GPC6: variants seen among roughly 807,000 people sequenced by gnomAD.
GPC6 encodes glypican 6, also known as glypican-6.
In GPC6, 14 loss-of-function variants were observed where a neutral mutation model predicts 55.2. The observed-to-expected ratio is 0.25, with a 90% CI of 0.17 to 0.40. The LOEUF (loss-of-function observed/expected upper bound fraction) is 0.40, where lower values mean the gene tolerates loss of function less well. GPC6 is among the 10% of genes least tolerant of loss of function. The probability of loss-of-function intolerance (pLI) is 1.00; values close to 1 mark genes in which losing one functional copy is unlikely to be tolerated. For synonymous variants in GPC6, 278 were observed against 259.6 expected, an observed-to-expected ratio of 1.07 and a Z score of -0.68; for missense variants, 641 against 708.5, an observed-to-expected ratio of 0.90 and a Z score of 1.08.
At chr13:93,535,565 T>A (rs1046841140) in intron 1 of GPC6, among the ~76,000 whole-genome samples, 1 of 151,998 alleles carries the variant, frequency 6.6e-6, no homozygotes, top group Non-Finnish European at 1.5e-5. Flanking sequence ...TTGAATTGCA[T>A]TAAACTCTCA....
At chr13:93,556,408 G>GTGTATATATA (rs1875475679) in intron 2 of GPC6, among the ~76,000 whole-genome samples, 1 of 130,960 alleles carries the variant, frequency 7.6e-6, no homozygotes, top group African/African-American at 2.8e-5. Context: ...GTATGTATAT[G>GTGTATATATA]TATATATATA....
intron 3 of GPC6, among the ~76,000 whole-genome samples, chr13:93,974,433 T>C (rs1334396336): frequency 6.6e-6 from 1 of 152,202 alleles, no homozygotes; most frequent in African/African-American, 2.4e-5. Flanking sequence ...TATAATGTTA[T>C]GTACACTTCC....
intron 2 of GPC6, among the ~76,000 whole-genome samples, chr13:93,635,730 G>A (rs1879663300): frequency 6.6e-6 from 1 of 152,276 alleles, no homozygotes; most frequent in South Asian, 2.1e-4. Context: ...GTCTAAGCAC[G>A]TTACTTCAGT....
chr13:93,871,009 T>TA (rs1472043874), intron 3 of GPC6, among the ~76,000 whole-genome samples: 1 of 151,900 alleles, frequency 6.6e-6, no homozygotes, highest in African/African-American at 2.4e-5. Context: ...GCAGGACAGT[T>TA]AAAAATTTTT....
chr13:93,776,603 AGAAAGAAAGAAG>A (rs1237606234), intron 2 of GPC6, among the ~76,000 whole-genome samples: 2 of 152,170 alleles, frequency 1.3e-5, no homozygotes, highest in Non-Finnish European at 1.5e-5. Context: ...AGAAAAAAAA[AGAAAGAAAGAAG>A]GAAAGAAAGA....
intron 1 of GPC6, among the ~76,000 whole-genome samples, chr13:93,277,019 G>T (rs1450229852): frequency 1.3e-5 from 2 of 152,176 alleles, no homozygotes; most frequent in Admixed American, 1.3e-4. Flanking sequence ...AACCAGAAAT[G>T]GAGTCATTAC....
At chr13:93,527,882 G>T (rs1881715479) in intron 1 of GPC6, among the ~76,000 whole-genome samples, 1 of 152,122 alleles carries the variant, frequency 6.6e-6, no homozygotes, top group Non-Finnish European at 1.5e-5. Context: ...GGCAATTAAA[G>T]AAATATACAC....
intron 2 of GPC6, among the ~76,000 whole-genome samples, chr13:93,576,220 C>T (rs958094558): frequency 2.6e-5 from 4 of 151,914 alleles, no homozygotes; most frequent in African/African-American, 9.7e-5. Flanking sequence ...GTTTTACAGA[C>T]AGTACAGAAC....
At chr13:93,644,169 T>C (rs916847651) in intron 2 of GPC6, among the ~76,000 whole-genome samples, 2 of 152,098 alleles carry the variant, frequency 1.3e-5, no homozygotes, top group Non-Finnish European at 2.9e-5. Flanking sequence ...GTACTTTATT[T>C]CCTTTAGGCT....
rs545171842 is a variant in GPC6, at chr13:93,764,311, A to T, written c.320-65843A>T. Among the ~76,000 whole-genome samples, 3 of 150,632 alleles carry T rather than the reference A, an allele frequency of 2.0e-5. No individual in the cohort carries two copies. In the East Asian group the frequency reaches 6.0e-4, roughly 30 times the overall value. On this transcript the variant is annotated intron_variant, in intron 2 of 8. Coordinates refer to ENST00000377047, the MANE Select transcript of GPC6 (RefSeq NM_005708.5). Reference sequence around the variant, plus strand: ...GCAACAATAGCATTTTTAGGAAGTGATGTGTTTGTAATATTTTGTTATATT... The same window carrying T: ...GCAACAATAGCATTTTTAGGAAGTGTTGTGTTTGTAATATTTTGTTATATT...
At chr13:94,308,850 A>G (rs1280955691) in intron 6 of GPC6, among the ~76,000 whole-genome samples, 1 of 152,214 alleles carries the variant, frequency 6.6e-6, no homozygotes, top group Non-Finnish European at 1.5e-5. Context: ...CTAATAACAG[A>G]GTCTCAGCAG....
At position 93,784,665 on chromosome 13, in the gene GPC6, AG is replaced by A. The variant is rs1387225382; in HGVS notation, c.320-45488del. On this transcript the variant is annotated intron_variant, in intron 2 of 8. Coordinates refer to ENST00000377047, the MANE Select transcript of GPC6 (RefSeq NM_005708.5). ...CTTCCAACTGTTGGGTGTCTTTAAA[AG>A]AAGTGGCCTGTAATTTTATGTATGC... is the stretch of plus-strand genomic sequence containing the variant. 9.2e-5 allele frequency among the ~76,000 whole-genome samples: 14 copies of A among 152,340 alleles called. 1 individual carries two copies. The highest frequency in any genetic ancestry group is 3.4e-3 in the Middle Eastern group (1 of 294).
intron 1 of GPC6, among the ~76,000 whole-genome samples, chr13:93,308,066 C>A (rs544636566): frequency 1.2e-4 from 19 of 152,198 alleles, no homozygotes; most frequent in African/African-American, 4.6e-4. Context: ...GGGCGGATCA[C>A]GAAGTCAGGA....
At chr13:94,394,362 G>C (rs1431268685) in intron 7 of GPC6, among the ~76,000 whole-genome samples, 1 of 152,190 alleles carries the variant, frequency 6.6e-6, no homozygotes, top group Non-Finnish European at 1.5e-5. Flanking sequence ...GGATCCACCA[G>C]GTAAACTTGC....
intron 2 of GPC6, among the ~76,000 whole-genome samples, chr13:93,585,142 G>A (rs931769171): frequency 1.1e-4 from 16 of 152,288 alleles, no homozygotes; most frequent in Non-Finnish European, 2.2e-4. Flanking sequence ...TGTGACAACC[G>A]ATATGTGATG....
intron 4 of GPC6, among the ~76,000 whole-genome samples, chr13:94,156,264 G>T (rs931077784): frequency 2.0e-5 from 3 of 152,070 alleles, no homozygotes; most frequent in African/African-American, 7.2e-5. Flanking sequence ...CAAGACAACA[G>T]TAGTCACAAT....
At chr13:93,651,630 C>T (rs1023919641) in intron 2 of GPC6, among the ~76,000 whole-genome samples, 75 of 152,280 alleles carry the variant, frequency 4.9e-4, no homozygotes, top group African/African-American at 1.7e-3. Flanking sequence ...CAACTACCGA[C>T]GCAGTCAGCT....
intron 4 of GPC6, among the ~76,000 whole-genome samples, chr13:94,084,720 A>G (rs1340613765): frequency 6.6e-6 from 1 of 152,200 alleles, no homozygotes; most frequent in African/African-American, 2.4e-5. Context: ...TTAAGTCTAG[A>G]GAGTTTAGTT....
At chr13:93,716,978 A>G (rs532913391) in intron 2 of GPC6, among the ~76,000 whole-genome samples, 11 of 151,770 alleles carry the variant, frequency 7.2e-5, no homozygotes, top group African/African-American at 2.4e-4. Flanking sequence ...AAAATGCTGT[A>G]CAGGTTTTCA....
Sources: gnomAD v4.1 joint callset for allele counts (sites outside exome capture counted in the v4.1 genomes callset) on GRCh38, gnomAD v4.1.1 for gene constraint, MANE v1.5 for transcripts, NCBI Gene and HGNC (gene_info 2026-07-23, HGNC 2026-07-21) for gene names.